The following PTGS2 variants were observed in gnomAD, a reference collection of about 807,000 sequenced individuals.
PTGS2 encodes the protein prostaglandin G/H synthase 2.
Under a neutral mutation model 63.8 loss-of-function variants are expected in PTGS2, and 14 were observed. The observed-to-expected ratio is 0.22, with a 90% CI of 0.14 to 0.34. The LOEUF is 0.34. PTGS2 is among the 10% of genes least tolerant of loss of function. PTGS2 has a pLI of 1.00. For synonymous variants in PTGS2, 271 were observed against 259.5 expected, an observed-to-expected ratio of 1.04 and a Z score of -0.43; for missense variants, 533 against 738.5, an observed-to-expected ratio of 0.72 and a Z score of 3.23.
intron 8 of PTGS2, 81 bp from the exon 9 acceptor site, chr1:186,675,477 C>A: frequency 6.7e-7 from 1 of 1,493,856 alleles, no homozygotes. Flanking sequence ...AGGTACAAAT[C>A]AGGTAAAACT....
rs1665692301 is a variant in PTGS2, at chr1:186,671,819, A to G, written c.*2534T>C. The G allele has an allele frequency of 6.6e-6, 1 of 152,196 alleles. No individual in the cohort carries two copies. The highest frequency in any genetic ancestry group is 1.5e-5 in the Non-Finnish European group (1 of 68,010). The allele number at this position is 152,196 out of a possible 1,614,324, so 9.4% of individuals were successfully genotyped here. A position where few individuals can be genotyped will look rare whatever the true frequency, so the allele number is the denominator to read the frequency against. On this transcript the variant is annotated 3_prime_UTR_variant, in exon 10 of 10. Transcript: ENST00000367468. ...AGAAACAATCAAAGTTTATCTTCAG[A>G]AAAGATCTGTCAATTTTTAAATAGT...
In PTGS2 at chr1:186,674,514, A is replaced by C. The variant is rs1665745401; in HGVS notation, c.1654T>G (p.Ser552Ala). The C allele has an allele frequency of 6.2e-7, 1 of 1,614,160 alleles. No individual in the cohort carries two copies. The highest frequency in any genetic ancestry group is 8.5e-7 in the Non-Finnish European group (1 of 1,180,024). The change falls in exon 10 of 10, where the codon TCT becomes GCT. Residue 552 changes from serine to alanine, a missense_variant. Ser to Ala is a moderately conservative substitution (Grantham distance 99). Around this residue, in one of 5 missense-constraint regions of PTGS2, gnomAD observed 219 missense variants for 267.4 expected, o/e 0.82. Coordinates refer to ENST00000367468, the MANE Select transcript of PTGS2 (RefSeq NM_000963.4). ...CCCTTCACGTTATTGCAGATGAGAG[A>C]CTGAATTGAGGCAGTGTTGATGATT... is the stretch of plus-strand genomic sequence containing the variant. ...FQIINTASIQ[S>A]LICNNVKGCP...
At chr1:186,678,147 G>A in intron 4 of PTGS2, 114 bp downstream of exon 4, 1 of 1,158,598 alleles carries the variant, frequency 8.6e-7, no homozygotes, top group Non-Finnish European at 1.2e-6. Flanking sequence ...CATGCTAAAA[G>A]TAAAAACTGC....
In PTGS2 at chr1:186,674,167, A is replaced by G. The variant is rs1352447586; in HGVS notation, c.*186T>C. 1 of 326,206 alleles carries G rather than the reference A, an allele frequency of 3.1e-6. No homozygotes were observed. The highest frequency in any genetic ancestry group is 4.8e-5 in the Admixed American group (1 of 20,748). 20.2% of individuals were successfully genotyped at this position (326,206 alleles called of 1,614,324 possible). ...AAAACTGTTTTCCAAACTTAACAGCAACAGCAAAATCTTTAGAGTAGTGAC... is the reference window on the plus strand; with the variant it reads ...AAAACTGTTTTCCAAACTTAACAGCGACAGCAAAATCTTTAGAGTAGTGAC... On this transcript the variant is annotated 3_prime_UTR_variant, in exon 10 of 10. Coordinates refer to ENST00000367468, the MANE Select transcript of PTGS2 (RefSeq NM_000963.4).
In PTGS2 at chr1:186,676,047, G is replaced by C. The variant is rs1285700548; in HGVS notation, c.1108C>G (p.Leu370Val). The C allele has an allele frequency of 6.2e-7, 1 of 1,614,096 alleles. No homozygotes were observed. Among genetic ancestry groups the C allele is most frequent in the Non-Finnish European group, 8.5e-7 (1 of 1,180,016 alleles). Residue 370 changes from leucine to valine, a missense_variant, in exon 8 of 10, where the codon CTC (leucine) becomes GTC (valine). Leu to Val is a conservative substitution (Grantham distance 32). Coordinates refer to ENST00000367468, the MANE Select transcript of PTGS2 (RefSeq NM_000963.4). ...GGCAGAAGGGGATGCCAGTGATAGA[G>C]GGTGTTAAATTCAGCAGCAATACGA... ...QNRIAAEFNT[L>V]YHWHPLLPDT...
Position 186,679,208 on chromosome 1 carries a change from GA to G in PTGS2, c.170-8del. The G allele has an allele frequency of 6.2e-7, 1 of 1,613,274 alleles. No homozygotes were observed. Among genetic ancestry groups the G allele is most frequent in the Non-Finnish European group, 8.5e-7 (1 of 1,179,610 alleles). ...ATTCTTGTCAAAAATTCCGCTGCAA[GA>G]AGACGAAGAAAGGGAGGGAGAAATT... is the stretch of plus-strand genomic sequence containing the variant. On this transcript the variant is annotated splice_region_variant and splice_polypyrimidine_tract_variant and intron_variant, in intron 2 of 9. Coordinates refer to ENST00000367468, the MANE Select transcript of PTGS2 (RefSeq NM_000963.4).
At position 186,676,129 on chromosome 1, in the gene PTGS2, G is replaced by T. The variant is rs201764120; in HGVS notation, c.1026C>A (p.His342Gln). ...GTTCTGGGTCAAATTTCAGTTTGAA[G>T]TGATAGCCACTCAAGTGTTGCACAT... ...EDYVQHLSGY[H>Q]FKLKFDPELL... The change falls in exon 8 of 10, where the codon CAC becomes CAA. Residue 342 changes from histidine (H) to glutamine (Q), a missense_variant. Transcript: ENST00000367468. 5.6e-6 allele frequency: 9 copies of T among 1,614,034 alleles called. No individual in the cohort carries two copies. Among genetic ancestry groups the T allele is most frequent in the Non-Finnish European group, 7.6e-6 (9 of 1,179,890 alleles).
chr1:186,678,572 A>C (rs1221505621), intron 3 of PTGS2, among the ~76,000 whole-genome samples, 168 bp from the exon 4 acceptor site: 1 of 152,240 alleles, frequency 6.6e-6, no homozygotes, highest in Non-Finnish European at 1.5e-5. Flanking sequence ...TGGCCACTTG[A>C]AATACATCTT....
Position 186,677,786 on chromosome 1 carries a change from G to A in PTGS2, c.502C>T (p.Leu168Phe), listed in dbSNP as rs1455494038. ...TCAGGGATGAACTTTCTTCTTAGAAGCAATTTTTCCACAATCTCATTTGAA... is the reference window on the plus strand; with the variant it reads ...TCAGGGATGAACTTTCTTCTTAGAAACAATTTTTCCACAATCTCATTTGAA... Reference protein sequence around the residue: ...PDSNEIVEKLLLRRKFIPDPQ... With the variant: ...PDSNEIVEKLFLRRKFIPDPQ... The change falls in exon 5 of 10, where the codon CTT becomes TTT. Residue 168 changes from leucine (L) to phenylalanine (F), a missense_variant. Coordinates refer to ENST00000367468, the MANE Select transcript of PTGS2 (RefSeq NM_000963.4). 6.2e-7 allele frequency: 1 copy of A among 1,613,446 alleles called. No homozygotes were observed. The highest frequency in any genetic ancestry group is 8.5e-7 in the Non-Finnish European group (1 of 1,179,786).
At position 186,678,424 on chromosome 1, in the gene PTGS2, A is replaced by T; in HGVS notation, c.314-20T>A. 1 of 1,572,820 alleles carries T rather than the reference A, an allele frequency of 6.4e-7. No homozygotes were observed. ...ATCTGGCTGAAATTTTCAAAGAAAA[A>T]AATGTTTTATTTATTCTCATTTGTT... On this transcript the variant is annotated intron_variant, in intron 3 of 9. Transcript: ENST00000367468.
Position 186,680,370 on chromosome 1 carries a change from G to T in PTGS2, c.-80C>A. 2 of 1,089,008 alleles carry T rather than the reference G, an allele frequency of 1.8e-6. No individual in the cohort carries two copies. Among genetic ancestry groups the T allele is most frequent in the Non-Finnish European group, 2.6e-6 (2 of 769,734 alleles). 67.5% of individuals were successfully genotyped at this position (1,089,008 alleles called of 1,614,324 possible). On this transcript the variant is annotated 5_prime_UTR_variant, in exon 1 of 10. Transcript: ENST00000367468. Reference sequence around the variant, plus strand: ...TGGCTGTGGAGCTGAAGGAGGCGCTGCTGAGGAGTTCCTGGACGTGCTCCT... The same window carrying T: ...TGGCTGTGGAGCTGAAGGAGGCGCTTCTGAGGAGTTCCTGGACGTGCTCCT...
At chr1:186,675,136 C>T in intron 9 of PTGS2, 113 bp downstream of exon 9, 8 of 1,375,936 alleles carry the variant, frequency 5.8e-6, no homozygotes, top group Non-Finnish European at 8.0e-6. Context: ...GAGATGGCGC[C>T]ACTGCACTCC....
Position 186,676,627 on chromosome 1 carries a change from C to A in PTGS2, c.810G>T (p.Arg270=), listed in dbSNP as rs200279549. 2.5e-6 allele frequency: 4 copies of A among 1,614,030 alleles called. No homozygotes were observed. Among genetic ancestry groups the A allele is most frequent in the Non-Finnish European group, 3.4e-6 (4 of 1,180,050 alleles). The part of the protein sequence containing the change: ...IYPPQVPEHL[R]FAVGQEVFGL... ...CAAAGACCTCCTGCCCCACAGCAAA[C>A]CGTAGATGCTCAGGGACTTGAGGAG... The change falls in exon 7 of 10, where the codon CGG becomes CGT. Residue 270 remains arginine, a synonymous_variant. Coordinates refer to ENST00000367468, the MANE Select transcript of PTGS2 (RefSeq NM_000963.4).
At chr1:186,679,513 T>A in intron 1 of PTGS2, 75 bp from the exon 2 acceptor site, 1 of 1,091,500 alleles carries the variant, frequency 9.2e-7, no homozygotes, top group Non-Finnish European at 1.4e-6. Context: ...TGTTTGACTA[T>A]GAATCAACTT....
chr1:186,679,946 A>C (rs1553255914), intron 1 of PTGS2, among the ~76,000 whole-genome samples: 1 of 152,206 alleles, frequency 6.6e-6, no homozygotes, highest in Non-Finnish European at 1.5e-5. Context: ...TATTGATCAG[A>C]TCCTGTCTTA....
chr1:186,676,673 G>C lies in PTGS2; in HGVS notation c.764C>G (p.Thr255Ser). The change falls in exon 7 of 10, where the codon ACT becomes AGT. Residue 255 changes from threonine to serine, a missense_variant. Physicochemically the swap from Thr to Ser is moderately conservative, Grantham distance 58. Transcript: ENST00000367468. The part of the protein sequence containing the change: ...GEMYPPTVKD[T>S]QAEMIYPPQV... ...AGGAGGGTAGATCATCTCTGCCTGA[G>C]TATCTTTGACTGTGGGAGGATACAT... 6.2e-7 allele frequency: 1 copy of C among 1,613,922 alleles called. No homozygotes were observed. Among genetic ancestry groups the C allele is most frequent in the East Asian group, 2.2e-5 (1 of 44,876 alleles).
intron 1 of PTGS2, among the ~76,000 whole-genome samples, chr1:186,679,677 T>C (rs1665842150): frequency 6.6e-6 from 1 of 152,210 alleles, no homozygotes; most frequent in Non-Finnish European, 1.5e-5. Flanking sequence ...AAGCTTTTCT[T>C]AGTTAACTCT....
chr1:186,674,351 T>C lies in PTGS2; in HGVS notation c.*2A>G. ...AAATAAATAAATATGATCATTAGAC[T>C]TCTACAGTTCAGTCGAACGTTCTTT... On this transcript the variant is annotated 3_prime_UTR_variant, in exon 10 of 10. Coordinates refer to ENST00000367468, the MANE Select transcript of PTGS2 (RefSeq NM_000963.4). 6.3e-7 allele frequency: 1 copy of C among 1,581,938 alleles called. No individual in the cohort carries two copies. Among genetic ancestry groups the C allele is most frequent in the Non-Finnish European group, 8.6e-7 (1 of 1,158,548 alleles).
intron 9 of PTGS2, among the ~76,000 whole-genome samples, chr1:186,675,038 C>T (rs1448134112): frequency 3.9e-5 from 6 of 152,090 alleles, no homozygotes; most frequent in African/African-American, 1.4e-4. Flanking sequence ...ATTATCCATG[C>T]GTGCGACGTG....
Sources: gnomAD v4.1 joint callset for allele counts (sites outside exome capture counted in the v4.1 genomes callset) on GRCh38, gnomAD v4.1.1 for gene constraint, gnomAD v4.1.1 regional missense constraint, MANE v1.5 for transcripts, NCBI Gene and HGNC (gene_info 2026-07-23, HGNC 2026-07-21) for gene names.